RECK: variants seen among roughly 807,000 people sequenced by gnomAD.
The protein encoded by RECK is reversion-inducing cysteine-rich protein with Kazal motifs.
In RECK, 69 loss-of-function variants were observed where a neutral mutation model predicts 115.1. The observed-to-expected ratio is 0.60, with a 90% CI of 0.49 to 0.73. The LOEUF is 0.73. Among genes scored for constraint, RECK ranks in the 30% least tolerant of loss-of-function variants. The probability of loss-of-function intolerance (pLI) is 0.00; values close to 1 mark genes in which losing one functional copy is unlikely to be tolerated. For synonymous variants in RECK, 414 were observed against 419.7 expected, an observed-to-expected ratio of 0.99 and a Z score of 0.17; for missense variants, 1,047 against 1,203.7, an observed-to-expected ratio of 0.87 and a Z score of 1.93.
chr9:36,060,045 T>C (rs771402411), intron 3 of RECK, 74 bp from the exon 4 acceptor site: 4 of 1,401,546 alleles, frequency 2.9e-6, no homozygotes, highest in Admixed American at 1.7e-5. Context: ...CTGTTCATAA[T>C]TTCTGTAGAA....
intron 6 of RECK, among the ~76,000 whole-genome samples, chr9:36,072,982 A>G (rs893476799): frequency 6.6e-6 from 1 of 151,762 alleles, no homozygotes; most frequent in Non-Finnish European, 1.5e-5. Context: ...CCCTTAAGCA[A>G]TCTCATCTCC....
chr9:36,065,606 T>G lies in RECK; in HGVS notation c.387T>G (p.Val129=). 1 of 1,585,938 alleles carries G rather than the reference T, an allele frequency of 6.3e-7. No homozygotes were observed. Among genetic ancestry groups the G allele is most frequent in the Non-Finnish European group, 8.6e-7 (1 of 1,168,432 alleles). ...CTTCAAAGAATGATATTTCCAAAGT[T>G]TGCAGAAAAGAATATGAGGTATGCA... ...QASSKNDISK[V]CRKEYENALF... Residue 129 remains valine, a synonymous_variant, in exon 6 of 21, where the codon GTT becomes GTG. Transcript: ENST00000377966.
At chr9:36,073,241 G>GACACACACACAC (rs778489595) in intron 6 of RECK, among the ~76,000 whole-genome samples, 2,239 of 67,448 alleles carry the variant, frequency 0.033, 74 homozygotes, top group African/African-American at 0.087. Context: ...GACACACACA[G>GACACACACACAC]ACACACACAC....
intron 20 of RECK, among the ~76,000 whole-genome samples, chr9:36,122,288 GTTTTCC>G (rs1289624740): frequency 2.0e-5 from 3 of 152,172 alleles, no homozygotes; most frequent in Non-Finnish European, 2.9e-5. Context: ...TCTCGTCGTT[GTTTTCC>G]TTTTCATGTT....
At chr9:36,116,849 A>G (rs1210398765) in intron 16 of RECK, 136 bp from the exon 17 acceptor site, 1 of 628,092 alleles carries the variant, frequency 1.6e-6, no homozygotes, top group Non-Finnish European at 2.8e-6. Flanking sequence ...CACTCTACAT[A>G]AGCTCTTTGG....
At chr9:36,096,918 G>GCACAACATATCA (rs1823365525) in intron 10 of RECK, among the ~76,000 whole-genome samples, 1 of 77,860 alleles carries the variant, frequency 1.3e-5, no homozygotes, top group Admixed American at 1.6e-4. Context: ...GCACAGGTGT[G>GCACAACATATCA]TGCATACACA....
chr9:36,069,623 G>C (rs115939304), intron 6 of RECK, among the ~76,000 whole-genome samples: 1 of 151,982 alleles, frequency 6.6e-6, no homozygotes. Flanking sequence ...TTGGAAGATA[G>C]AACTAAAGAA....
chr9:36,110,133 A>G lies in RECK; in HGVS notation c.1888+54A>G. On this transcript the variant is annotated intron_variant, in intron 15 of 20. Coordinates refer to ENST00000377966, the MANE Select transcript of RECK (RefSeq NM_021111.3). ...CAGGGGCCATCATTTCTTTGCACAC[A>G]TTTTTCCCTTCAAGGCAGCTTCTCC... 3.8e-6 allele frequency: 6 copies of G among 1,558,978 alleles called. No homozygotes were observed. The African/African-American group carries it at 5.4e-5, about 14-fold the overall frequency.
In RECK at chr9:36,043,010, C is replaced by CTTTTTTTTTTTTTTT. The variant is rs61673918; in HGVS notation, c.100+5928_100+5942dup. On this transcript the variant is annotated intron_variant, in intron 1 of 20. Coordinates refer to ENST00000377966, the MANE Select transcript of RECK (RefSeq NM_021111.3). ...ACTGTCTATTCATGTCCTTAGCCCA[C>CTTTTTTTTTTTTTTT]TTTTTTTTTTTTTTTTTTTTTTTTT... Among the ~76,000 whole-genome samples, 3 of 59,462 alleles carry CTTTTTTTTTTTTTTT rather than the reference C, an allele frequency of 5.0e-5. 1 individual carries two copies. The highest frequency in any genetic ancestry group is 2.1e-4 in the African/African-American group (3 of 14,482). The allele number at this position is 59,462 out of a possible 152,430, so 39.0% of individuals were successfully genotyped here. A position where few individuals can be genotyped will look rare whatever the true frequency, so the allele number is the denominator to read the frequency against.
At chr9:36,101,083 C>T (rs1249325374) in intron 11 of RECK, among the ~76,000 whole-genome samples, 2 of 152,038 alleles carry the variant, frequency 1.3e-5, no homozygotes, top group East Asian at 1.9e-4. Context: ...TCTCCTGCCT[C>T]AGCCTCCCGA....
chr9:36,102,277 TC>T, intron 12 of RECK, 47 bp downstream of exon 12: 3 of 1,483,306 alleles, frequency 2.0e-6, no homozygotes, highest in Non-Finnish European at 2.8e-6. Context: ...AATACTTCTC[TC>T]TTCCAACTAT....
At chr9:36,114,277 T>G in intron 16 of RECK, among the ~76,000 whole-genome samples, 1 of 152,246 alleles carries the variant, frequency 6.6e-6, no homozygotes, top group East Asian at 1.9e-4. Flanking sequence ...GAAGTGAATT[T>G]GATAAACATC....
chr9:36,040,559 T>C (rs1280775281), intron 1 of RECK, among the ~76,000 whole-genome samples: 1 of 152,062 alleles, frequency 6.6e-6, no homozygotes, highest in Non-Finnish European at 1.5e-5. Flanking sequence ...TAGAAACCAA[T>C]AGAGTTTTAA....
intron 10 of RECK, 79 bp from the exon 11 acceptor site, chr9:36,100,252 A>G: frequency 1.7e-6 from 2 of 1,143,012 alleles, no homozygotes; most frequent in South Asian, 2.8e-5. Flanking sequence ...CTGATGCATT[A>G]GTATGTCAGG....
intron 1 of RECK, among the ~76,000 whole-genome samples, chr9:36,049,943 A>G (rs1291426395): frequency 6.6e-6 from 1 of 152,184 alleles, no homozygotes; most frequent in Admixed American, 6.5e-5. Context: ...AGTATCTAAC[A>G]TGGTTAACAT....
intron 16 of RECK, among the ~76,000 whole-genome samples, chr9:36,113,830 C>T (rs1456787845): frequency 6.6e-6 from 1 of 152,100 alleles, no homozygotes; most frequent in African/African-American, 2.4e-5. Flanking sequence ...AGGACATAAA[C>T]ATAAAAAAAG....
At chr9:36,047,613 A>T (rs1821114856) in intron 1 of RECK, among the ~76,000 whole-genome samples, 1 of 152,050 alleles carries the variant, frequency 6.6e-6, no homozygotes, top group African/African-American at 2.4e-5. Flanking sequence ...AAAAAACAAA[A>T]ACCCTTATGA....
In RECK at chr9:36,123,072, C is replaced by T; in HGVS notation, c.*27C>T. The T allele has an allele frequency of 6.4e-7, 1 of 1,552,464 alleles. No homozygotes were observed. Reference sequence around the variant, plus strand: ...TGCCCACGGAAAGTGCAGAATGCTCCTCCACCTCACTCTCCTGCCTTGAAA... The same window carrying T: ...TGCCCACGGAAAGTGCAGAATGCTCTTCCACCTCACTCTCCTGCCTTGAAA... On this transcript the variant is annotated 3_prime_UTR_variant, in exon 21 of 21. Transcript: ENST00000377966.
Position 36,063,799 on chromosome 9 carries a change from G to A in RECK, c.276G>A (p.Val92=), listed in dbSNP as rs991071475. The change falls in exon 5 of 21, where the codon GTG becomes GTA. Residue 92 remains valine (V), a synonymous_variant. Coordinates refer to ENST00000377966, the MANE Select transcript of RECK (RefSeq NM_021111.3). ...TTTAAACATTTTGTTTTTAAGGTGT[G>A]TTTAAGAAGTCTGATGGCTGGGTTG... is the stretch of plus-strand genomic sequence containing the variant. ...WNCMNSSLPG[V]FKKSDGWVGL... 3.7e-6 allele frequency: 6 copies of A among 1,613,962 alleles called. No individual in the cohort carries two copies. The highest frequency in any genetic ancestry group is 5.1e-6 in the Non-Finnish European group (6 of 1,179,838).
Sources: allele counts gnomAD v4.1 joint callset (sites outside exome capture counted in the v4.1 genomes callset), GRCh38; gene constraint gnomAD v4.1.1; transcripts MANE v1.5; gene names NCBI Gene and HGNC (gene_info 2026-07-23, HGNC 2026-07-21).